FSIP2: variants seen among roughly 807,000 people sequenced by gnomAD.
FSIP2 encodes the protein fibrous sheath interacting protein 2, also known as fibrous sheath-interacting protein 2.
In FSIP2, 367 loss-of-function variants were observed where a neutral mutation model predicts 510.5. That is an observed-to-expected ratio of 0.72 (90% confidence interval 0.66 to 0.78). The LOEUF is 0.78. Ranked by LOEUF, FSIP2 falls within the 30% of genes least tolerant of loss-of-function variation. The pLI, the probability that FSIP2 is intolerant of heterozygous loss-of-function variation, is 0.00. For synonymous variants in FSIP2, 2,601 were observed against 2,732.2 expected, an observed-to-expected ratio of 0.95 and a Z score of 1.50; for missense variants, 7,594 against 7,901.7, an observed-to-expected ratio of 0.96 and a Z score of 1.48.
Position 185,807,279 on chromosome 2 carries a change from C to T in FSIP2, c.17973C>T (p.Ala5991=), listed in dbSNP as rs1693605572. 1.2e-6 allele frequency: 2 copies of T among 1,612,578 alleles called. No individual in the cohort carries two copies. Among genetic ancestry groups the T allele is most frequent in the Non-Finnish European group, 1.7e-6 (2 of 1,179,144 alleles). ...KDVVKKVQKL[A]QTASKECQTS... Reference sequence around the variant, plus strand: ...TTGTTAAAAAGGTCCAAAAGTTGGCCCAAACAGCCAGCAAAGAATGTCAAA... The same window carrying T: ...TTGTTAAAAAGGTCCAAAAGTTGGCTCAAACAGCCAGCAAAGAATGTCAAA... The change falls in exon 17 of 23, where the codon GCC becomes GCT. Residue 5991 remains alanine, a synonymous_variant. Transcript: ENST00000424728.
At chr2:185,738,213 A>C (rs1423184336), upstream of FSIP2, 5 of 232,634 alleles carry the variant, frequency 2.1e-5, no homozygotes, top group East Asian at 5.4e-4. Context: ...TGCTTAGCTC[A>C]ATGACTGGCC....
intron 4 of FSIP2, 48 bp downstream of exon 4, chr2:185,744,459 A>T (rs2105530005): frequency 2.4e-6 from 1 of 424,710 alleles, no homozygotes; most frequent in South Asian, 4.9e-5. Flanking sequence ...GTTTGGAAGA[A>T]ATGCTTGATT....
chr2:185,790,981 G>T lies in FSIP2; in HGVS notation c.3845G>T (p.Gly1282Val), dbSNP rs1429294859. The part of the protein sequence containing the change: ...KSFICPKLHM[G>V]FKSSLRSQLS... The stretch of plus-strand genomic sequence containing the variant: ...TTTATTTGTCCAAAATTGCATATGG[G>T]CTTCAAATCTTCATTACGATCTCAA... The change falls in exon 16 of 23, where the codon GGC (glycine) becomes GTC (valine). Residue 1282 changes from glycine to valine, a missense_variant. Transcript: ENST00000424728. 2 of 1,527,104 alleles carry T rather than the reference G, an allele frequency of 1.3e-6. No homozygotes were observed. The highest frequency in any genetic ancestry group is 1.8e-6 in the Non-Finnish European group (2 of 1,142,804). 94.6% of individuals were successfully genotyped at this position (1,527,104 alleles called of 1,614,324 possible). A position where few individuals can be genotyped will look rare whatever the true frequency, so the allele number is the denominator to read the frequency against.
intron 21 of FSIP2, among the ~76,000 whole-genome samples, chr2:185,830,373 G>A (rs1008326936): frequency 1.2e-4 from 18 of 151,720 alleles, no homozygotes; most frequent in Non-Finnish European, 2.2e-4. Flanking sequence ...ATTAAGTAAG[G>A]GCAAGAACTC....
chr2:185,809,408 C>T (rs1442137958), intron 17 of FSIP2, among the ~76,000 whole-genome samples: 2 of 151,962 alleles, frequency 1.3e-5, no homozygotes, highest in Non-Finnish European at 2.9e-5. Context: ...TAAGCACATA[C>T]CCTTCACAGT....
At chr2:185,742,474 A>G (rs115715274) in intron 2 of FSIP2, among the ~76,000 whole-genome samples, 3,299 of 152,270 alleles carry the variant, frequency 0.022, 101 homozygotes, top group African/African-American at 0.069. Context: ...AAAAACTTCA[A>G]TTTCTATAAA....
chr2:185,811,508 A>G (rs1399672980), intron 17 of FSIP2, among the ~76,000 whole-genome samples: 1 of 149,060 alleles, frequency 6.7e-6, no homozygotes, highest in Non-Finnish European at 1.5e-5. Context: ...TGTGGCAAAG[A>G]AAAAAAAAAG....
At chr2:185,761,233 C>G (rs1692344607) in intron 10 of FSIP2, 130 bp downstream of exon 10, 1 of 404,390 alleles carries the variant, frequency 2.5e-6, no homozygotes, top group Non-Finnish European at 4.4e-6. Context: ...ATTCATGAAA[C>G]ATGATCCATT....
At chr2:185,780,602 T>A (rs865821318) in intron 13 of FSIP2, among the ~76,000 whole-genome samples, 17 of 152,008 alleles carry the variant, frequency 1.1e-4, no homozygotes, top group Middle Eastern at 6.8e-3. Context: ...AGTCCTCTTA[T>A]TTGCTATTTT....
In FSIP2 at chr2:185,790,555, T is replaced by C. The variant is rs770333161; in HGVS notation, c.3419T>C (p.Leu1140Pro). ...DSKTGSEASV[L>P]VSEKPQGLSH... is the part of the protein sequence containing the mutation. ...AAAACTGGCAGTGAAGCTTCAGTTC[T>C]TGTTTCAGAAAAGCCTCAAGGACTG... Residue 1140 changes from leucine (L) to proline (P), a missense_variant, in exon 16 of 23, where the codon CTT (leucine) becomes CCT (proline). Coordinates refer to ENST00000424728, the MANE Select transcript of FSIP2 (RefSeq NM_173651.4). The C allele has an allele frequency of 8.5e-6, 13 of 1,533,786 alleles. No homozygotes were observed. Among genetic ancestry groups the C allele is most frequent in the Middle Eastern group, 1.7e-4 (1 of 5,998 alleles).
Position 185,802,754 on chromosome 2 carries a change from C to T in FSIP2, c.13448C>T (p.Ser4483Phe), listed in dbSNP as rs1693469984. 6.6e-7 allele frequency: 1 copy of T among 1,510,612 alleles called. No individual in the cohort carries two copies. The highest frequency in any genetic ancestry group is 1.4e-5 in the African/African-American group (1 of 71,600). 93.6% of individuals were successfully genotyped at this position (1,510,612 alleles called of 1,614,324 possible). Reference sequence around the variant, plus strand: ...GTACTATTATCTAAATTATTTTCTTCTGCATCTAGCCTGGTTCTAAACAGA... The same window carrying T: ...GTACTATTATCTAAATTATTTTCTTTTGCATCTAGCCTGGTTCTAAACAGA... ...IRVLLSKLFS[S>F]ASSLVLNRDT... The change falls in exon 17 of 23, where the codon TCT becomes TTT. Residue 4483 changes from serine to phenylalanine, a missense_variant. Ser to Phe is a radical substitution (Grantham distance 155). Transcript: ENST00000424728.
chr2:185,782,791 A>G (rs892245490), intron 14 of FSIP2, 29 bp downstream of exon 14: 5 of 1,152,526 alleles, frequency 4.3e-6, no homozygotes, highest in Non-Finnish European at 6.3e-6. Context: ...ATATATAATC[A>G]TAACTAATTT....
rs1326294582 is a variant in FSIP2 at position 185,808,333 on chromosome 2, T to A, written c.19027T>A (p.Leu6343Ile). The change falls in exon 17 of 23, where the codon TTA becomes ATA. Residue 6343 changes from leucine to isoleucine, a missense_variant. Coordinates refer to ENST00000424728, the MANE Select transcript of FSIP2 (RefSeq NM_173651.4). ...EKSSSRKGLT[L>I]DAKLLEEVLA... The stretch of plus-strand genomic sequence containing the variant: ...GTCTTCATCCAGAAAAGGTTTGACA[T>A]TAGATGCCAAACTTTTAGAAGAGGT... 2 of 1,610,640 alleles carry A rather than the reference T, an allele frequency of 1.2e-6. No individual in the cohort carries two copies. Among genetic ancestry groups the A allele is most frequent in the Non-Finnish European group, 1.7e-6 (2 of 1,178,876 alleles).
At chr2:185,825,453 C>A (rs986207848) in intron 20 of FSIP2, among the ~76,000 whole-genome samples, 1 of 151,612 alleles carries the variant, frequency 6.6e-6, no homozygotes, top group African/African-American at 2.4e-5. Flanking sequence ...GAGGTGAGCA[C>A]TGAAAAATTA....
rs1006209799 is a variant in FSIP2, at chr2:185,800,667, A to C, written c.11361A>C (p.Glu3787Asp). Residue 3787 changes from glutamate to aspartate, a missense_variant, in exon 17 of 23, where the codon GAA becomes GAC. Transcript: ENST00000424728. ...TTTCAGAGGAAACATCAGCAGAAGA[A>C]TGTCAACTTTTAAAAATGCTTCAAA... The part of the protein sequence containing the change: ...GSVSEETSAE[E>D]CQLLKMLQSV... 3.9e-6 allele frequency: 6 copies of C among 1,534,262 alleles called. No individual in the cohort carries two copies. Among genetic ancestry groups the C allele is most frequent in the African/African-American group, 1.4e-5 (1 of 73,008 alleles).
At chr2:185,764,703 AG>A (rs757732878) in intron 13 of FSIP2, 138 bp downstream of exon 13, 47 of 631,614 alleles carry the variant, frequency 7.4e-5, no homozygotes, top group Non-Finnish European at 1.2e-4. Flanking sequence ...ATTTTTGCTC[AG>A]GGTTCTTACA....
At chr2:185,781,597 G>A (rs1290197865) in intron 13 of FSIP2, among the ~76,000 whole-genome samples, 1 of 152,072 alleles carries the variant, frequency 6.6e-6, no homozygotes, top group Non-Finnish European at 1.5e-5. Flanking sequence ...ATGTCCCTAG[G>A]GCAGGTATCA....
upstream of FSIP2, among the ~76,000 whole-genome samples, chr2:185,737,271 G>C (rs1032030213): frequency 6.6e-6 from 1 of 152,164 alleles, no homozygotes; most frequent in Non-Finnish European, 1.5e-5. Flanking sequence ...GTGATTTGCT[G>C]GCAATAAGAA....
intron 15 of FSIP2, among the ~76,000 whole-genome samples, chr2:185,786,965 T>C (rs185686618): frequency 1.3e-5 from 2 of 152,000 alleles, no homozygotes; most frequent in Non-Finnish European, 2.9e-5. Context: ...ATCTATCATA[T>C]TTCACTACAA....
Sources: gnomAD v4.1 joint callset for allele counts (sites outside exome capture counted in the v4.1 genomes callset) on GRCh38, gnomAD v4.1.1 for gene constraint, MANE v1.5 for transcripts, NCBI Gene and HGNC (gene_info 2026-07-23, HGNC 2026-07-21) for gene names.